Variants in SMYD3 observed in about 807,000 individuals in gnomAD.
SMYD3 encodes SET and MYND domain containing 3.
SMYD3 carries 36 observed loss-of-function variants against 57.7 expected under a neutral mutation model. The observed-to-expected ratio is 0.62, with a 90% confidence interval of 0.48 to 0.82. The LOEUF is 0.82. Among genes scored for constraint, SMYD3 ranks in the 40% least tolerant of loss-of-function variants. The pLI is 0.00. For missense variants in SMYD3, 515 were observed against 538.8 expected (o/e 0.96, Z 0.44); for synonymous variants, 211 against 195.0 (o/e 1.08, Z -0.68).
At chr1:246,138,433 A>T (rs57600303) in intron 5 of SMYD3, among the ~76,000 whole-genome samples, 3,615 of 150,864 alleles carry the variant, frequency 0.024, 131 homozygotes, top group African/African-American at 0.078. Context: ...TTATTTATTT[A>T]TTTTTTTTCT....
At chr1:246,154,112 G>A (rs1220054336) in intron 5 of SMYD3, among the ~76,000 whole-genome samples, 1 of 152,128 alleles carries the variant, frequency 6.6e-6, no homozygotes, top group East Asian at 1.9e-4. Context: ...AATCAATCTG[G>A]CATAGCTTTG....
intron 1 of SMYD3, among the ~76,000 whole-genome samples, chr1:246,430,923 A>C (rs758653197): frequency 2.6e-4 from 39 of 152,306 alleles, no homozygotes; most frequent in Admixed American, 1.7e-3. Context: ...GTGGGAAAAG[A>C]GTATGTAAGA....
chr1:245,923,303 AAC>A (rs928929426), intron 7 of SMYD3, among the ~76,000 whole-genome samples: 89 of 151,842 alleles, frequency 5.9e-4, no homozygotes, highest in Admixed American at 8.5e-4. Flanking sequence ...GGAAAAAAAA[AAC>A]AAGAAAATCT....
intron 8 of SMYD3, among the ~76,000 whole-genome samples, chr1:245,905,225 TAAA>T (rs1044227079): frequency 5.3e-5 from 8 of 151,284 alleles, no homozygotes; most frequent in African/African-American, 7.3e-5. Flanking sequence ...GAGAGAAAAA[TAAA>T]AGGGACTCAA....
At chr1:246,244,537 T>A (rs1234216153) in intron 5 of SMYD3, among the ~76,000 whole-genome samples, 1 of 152,234 alleles carries the variant, frequency 6.6e-6, no homozygotes, top group African/African-American at 2.4e-5. Context: ...AATGCCTTAT[T>A]AATGGCAAAA....
chr1:245,894,936 C>T (rs575986749), intron 8 of SMYD3, among the ~76,000 whole-genome samples: 1 of 152,328 alleles, frequency 6.6e-6, no homozygotes, highest in Admixed American at 6.5e-5. Flanking sequence ...AACAGGGCCA[C>T]GTGAAGGAGC....
intron 5 of SMYD3, among the ~76,000 whole-genome samples, chr1:246,186,310 T>G (rs2062639484): frequency 6.6e-6 from 1 of 152,186 alleles, no homozygotes. Context: ...CTAGTCAATA[T>G]GCATAGGAAA....
chr1:245,837,439 G>A (rs2050159631), intron 10 of SMYD3, among the ~76,000 whole-genome samples: 1 of 145,990 alleles, frequency 6.8e-6, no homozygotes. Context: ...TGACCTCCAG[G>A]GAAGAGGCAT....
At chr1:245,903,073 CA>C (rs2148619423) in intron 8 of SMYD3, among the ~76,000 whole-genome samples, 1 of 152,154 alleles carries the variant, frequency 6.6e-6, no homozygotes, top group South Asian at 2.1e-4. Context: ...TACAAGAGAA[CA>C]CAGGTAAAAC....
At chr1:245,922,869 T>C (rs1267453339) in intron 7 of SMYD3, among the ~76,000 whole-genome samples, 1 of 152,224 alleles carries the variant, frequency 6.6e-6, no homozygotes, top group African/African-American at 2.4e-5. Flanking sequence ...AAAATGAATA[T>C]GTAACATTAT....
chr1:245,966,099 A>G (rs2148008073), intron 5 of SMYD3, among the ~76,000 whole-genome samples: 1 of 152,262 alleles, frequency 6.6e-6, no homozygotes. Context: ...AAGCCTTGAT[A>G]AACATTTACC....
intron 5 of SMYD3, among the ~76,000 whole-genome samples, chr1:246,160,727 C>A (rs2062103312): frequency 6.6e-6 from 1 of 152,166 alleles, no homozygotes; most frequent in Middle Eastern, 3.2e-3. Flanking sequence ...TTCCCAAATT[C>A]CTGACACAGA....
intron 5 of SMYD3, among the ~76,000 whole-genome samples, chr1:245,999,072 G>A (rs1418860572): frequency 6.6e-6 from 1 of 151,988 alleles, no homozygotes; most frequent in African/African-American, 2.4e-5. Context: ...TAGATATGGT[G>A]CACAAGACTG....
intron 5 of SMYD3, among the ~76,000 whole-genome samples, chr1:246,059,030 A>G (rs1171162093): frequency 6.6e-6 from 1 of 152,030 alleles, no homozygotes; most frequent in Non-Finnish European, 1.5e-5. Flanking sequence ...GTCCGCCACC[A>G]TGCCCGGCTA....
At chr1:246,403,514 T>C (rs565952714) in intron 1 of SMYD3, among the ~76,000 whole-genome samples, 70 of 152,234 alleles carry the variant, frequency 4.6e-4, no homozygotes, top group African/African-American at 1.7e-3. Flanking sequence ...TAAACATATA[T>C]CCTATCTTCC....
At chr1:246,398,513 G>T (rs916279076) in intron 1 of SMYD3, among the ~76,000 whole-genome samples, 1 of 152,246 alleles carries the variant, frequency 6.6e-6, no homozygotes, top group South Asian at 2.1e-4. Flanking sequence ...ACATGCAGTG[G>T]TGATGACCTC....
intron 1 of SMYD3, among the ~76,000 whole-genome samples, chr1:246,405,922 A>AAAAG (rs1346988201): frequency 6.7e-6 from 1 of 148,918 alleles, no homozygotes; most frequent in Admixed American, 6.7e-5. Context: ...AAAAAAAAAA[A>AAAAG]AAAGAAAGAA....
chr1:245,806,019 A>T (rs1934586), intron 10 of SMYD3, among the ~76,000 whole-genome samples: 110,804 of 152,104 alleles, frequency 0.73, 40,804 homozygotes, highest in Non-Finnish European at 0.78. Context: ...ATTCCTTTCA[A>T]CCCTGTGGCC....
chr1:246,217,138 A>G (rs2063176937), intron 5 of SMYD3, among the ~76,000 whole-genome samples: 1 of 152,098 alleles, frequency 6.6e-6, no homozygotes, highest in Non-Finnish European at 1.5e-5. Context: ...CTAAATTTAT[A>G]TTATCTTTGT....
Sources: allele counts gnomAD v4.1 joint callset (sites outside exome capture counted in the v4.1 genomes callset), GRCh38; gene constraint gnomAD v4.1.1; transcripts MANE v1.5; gene names NCBI Gene and HGNC (gene_info 2026-07-23, HGNC 2026-07-21).